CIB4: variants seen among roughly 807,000 people sequenced by gnomAD.
The protein encoded by CIB4 is calcium and integrin-binding family member 4.
Under a neutral mutation model 25.8 loss-of-function variants are expected in CIB4, and 25 were observed. The observed-to-expected ratio is 0.97, with a 90% CI of 0.71 to 1.35. The LOEUF (loss-of-function observed/expected upper bound fraction) is 1.35. Among genes scored for constraint, CIB4 ranks in the 40% most tolerant of loss-of-function variants. The pLI is 0.00. For synonymous variants in CIB4, 75 were observed against 81.4 expected (o/e 0.92, Z 0.42); for missense variants, 235 against 228.2 (o/e 1.03, Z -0.19).
At chr2:26,635,064 A>G (rs1669506162) in intron 2 of CIB4, among the ~76,000 whole-genome samples, 1 of 152,264 alleles carries the variant, frequency 6.6e-6, no homozygotes, top group Admixed American at 6.5e-5. Flanking sequence ...CTGGGCCCAG[A>G]AGAGGCATCT....
At chr2:26,613,335 T>A (rs1466098271) in intron 3 of CIB4, among the ~76,000 whole-genome samples, 1 of 152,158 alleles carries the variant, frequency 6.6e-6, no homozygotes. Flanking sequence ...CCAGCAAGGA[T>A]GTAAAGAACG....
At chr2:26,597,801 G>A (rs1483168049) in intron 3 of CIB4, among the ~76,000 whole-genome samples, 4 of 151,624 alleles carry the variant, frequency 2.6e-5, no homozygotes, top group Admixed American at 6.6e-5. Context: ...CTCATCTCAC[G>A]GATGTGGAAA....
intron 3 of CIB4, among the ~76,000 whole-genome samples, chr2:26,613,078 G>T (rs1401695356): frequency 1.3e-5 from 2 of 152,156 alleles, no homozygotes; most frequent in Non-Finnish European, 2.9e-5. Flanking sequence ...AGATGCAAGG[G>T]CATTCATCAT....
intron 3 of CIB4, among the ~76,000 whole-genome samples, chr2:26,608,603 C>T (rs1668937770): frequency 6.6e-6 from 1 of 152,194 alleles, no homozygotes; most frequent in Non-Finnish European, 1.5e-5. Context: ...GTCAGGCTGA[C>T]TCCCAGGCTG....
chr2:26,590,239 G>A (rs1318348164), intron 4 of CIB4, among the ~76,000 whole-genome samples: 2 of 132,904 alleles, frequency 1.5e-5, no homozygotes, highest in Non-Finnish European at 3.1e-5. Flanking sequence ...GGTCCCTGGA[G>A]CTGGGGCCCA....
At chr2:26,618,695 G>T (rs1006533387) in intron 3 of CIB4, among the ~76,000 whole-genome samples, 2 of 152,214 alleles carry the variant, frequency 1.3e-5, no homozygotes, top group African/African-American at 4.8e-5. Flanking sequence ...CTGGGGAAGG[G>T]TCTACGTGTG....
chr2:26,588,753 C>T (rs1185716917), intron 4 of CIB4, among the ~76,000 whole-genome samples: 1 of 152,190 alleles, frequency 6.6e-6, no homozygotes, highest in East Asian at 1.9e-4. Flanking sequence ...CCGGTACCTG[C>T]CTGGGGATAA....
intron 3 of CIB4, among the ~76,000 whole-genome samples, chr2:26,605,986 G>T (rs1052851086): frequency 6.6e-6 from 1 of 152,174 alleles, no homozygotes; most frequent in Non-Finnish European, 1.5e-5. Context: ...ATCGCCATGA[G>T]TCCCATGACC....
At chr2:26,608,782 C>A (rs1196351085) in intron 3 of CIB4, among the ~76,000 whole-genome samples, 2 of 152,146 alleles carry the variant, frequency 1.3e-5, no homozygotes, top group East Asian at 3.9e-4. Context: ...TCTTTCTCTC[C>A]CTGCACTCCC....
At chr2:26,589,051 T>TCTTCC (rs1668520393) in intron 4 of CIB4, among the ~76,000 whole-genome samples, 4 of 51,344 alleles carry the variant, frequency 7.8e-5, no homozygotes, top group African/African-American at 2.5e-4. Context: ...CTTCTTCTTC[T>TCTTCC]TCTTCTTCCT....
chr2:26,616,849 T>G (rs1669101808), intron 3 of CIB4, among the ~76,000 whole-genome samples: 2 of 151,756 alleles, frequency 1.3e-5, no homozygotes, highest in African/African-American at 4.8e-5. Flanking sequence ...CCCGAGAAGA[T>G]GAAGAGATAT....
chr2:26,595,378 G>A, intron 3 of CIB4, 61 bp from the exon 4 acceptor site: 1 of 1,558,698 alleles, frequency 6.4e-7, no homozygotes, highest in Non-Finnish European at 8.8e-7. Context: ...GTCTCCCTGG[G>A]TCTCTCTCAT....
intron 4 of CIB4, among the ~76,000 whole-genome samples, chr2:26,593,361 C>CAT (rs1358022195): frequency 2.7e-5 from 4 of 150,856 alleles, no homozygotes; most frequent in Non-Finnish European, 5.9e-5. Context: ...TATACATATA[C>CAT]ATATATACAC....
chr2:26,610,363 G>A (rs954488598), intron 3 of CIB4, among the ~76,000 whole-genome samples: 3 of 152,100 alleles, frequency 2.0e-5, no homozygotes, highest in African/African-American at 4.8e-5. Flanking sequence ...ACCAATAGCC[G>A]CCTCTCCCCC....
chr2:26,620,850 A>G (rs113653156), intron 3 of CIB4, among the ~76,000 whole-genome samples: 14 of 152,342 alleles, frequency 9.2e-5, no homozygotes, highest in Non-Finnish European at 1.3e-4. Flanking sequence ...TACAAAAACG[A>G]GAAAGATCAG....
At chr2:26,596,361 G>T (rs1013567963) in intron 3 of CIB4, among the ~76,000 whole-genome samples, 1 of 152,188 alleles carries the variant, frequency 6.6e-6, no homozygotes, top group Admixed American at 6.5e-5. Flanking sequence ...ATTTCCTGCC[G>T]GGTACTGCAG....
chr2:26,639,828 C>T (rs1164117954), intron 2 of CIB4, among the ~76,000 whole-genome samples: 7 of 152,062 alleles, frequency 4.6e-5, no homozygotes, highest in African/African-American at 1.7e-4. Flanking sequence ...CTTCCCCCAC[C>T]TTCCCCTGAA....
chr2:26,596,825 A>G (rs1259849626), intron 3 of CIB4, among the ~76,000 whole-genome samples: 2 of 152,146 alleles, frequency 1.3e-5, no homozygotes, highest in Non-Finnish European at 1.5e-5. Context: ...TCTGAACCAC[A>G]TGGAGGTTTA....
At chr2:26,599,806 G>A (rs1457353916) in intron 3 of CIB4, among the ~76,000 whole-genome samples, 1 of 152,118 alleles carries the variant, frequency 6.6e-6, no homozygotes, top group African/African-American at 2.4e-5. Context: ...CGGGCATGGT[G>A]GCTCACACCT....
Sources: allele counts gnomAD v4.1 joint callset (sites outside exome capture counted in the v4.1 genomes callset), GRCh38; gene constraint gnomAD v4.1.1; transcripts MANE v1.5; gene names NCBI Gene and HGNC (gene_info 2026-07-23, HGNC 2026-07-21).